Variants in MIR2052HG observed in about 807,000 individuals in gnomAD.
MIR2052HG encodes MIR2052 host gene.
chr8:74,690,657 T>TAAAATA (rs56918509), intron 2 of MIR2052HG, among the ~76,000 whole-genome samples: 154 of 151,446 alleles, frequency 1.0e-3, no homozygotes, highest in African/African-American at 3.6e-3. Context: ...TCTCAAAAAA[T>TAAAATA]AAAATAAAAA....
At chr8:74,704,459 A>C (rs149695847) in intron 4 of MIR2052HG, among the ~76,000 whole-genome samples, 1 of 152,078 alleles carries the variant, frequency 6.6e-6, no homozygotes. Context: ...GGAGGGTAGT[A>C]GTCATCTGGC....
intron 2 of MIR2052HG, among the ~76,000 whole-genome samples, chr8:74,620,218 A>T (rs1453829916): frequency 1.3e-5 from 2 of 152,172 alleles, no homozygotes; most frequent in Non-Finnish European, 2.9e-5. Flanking sequence ...GCTTCACAGG[A>T]TACAACCCAT....
intron 2 of MIR2052HG, among the ~76,000 whole-genome samples, chr8:74,664,737 C>T (rs1393224698): frequency 2.0e-5 from 3 of 152,116 alleles, no homozygotes; most frequent in Admixed American, 2.0e-4. Flanking sequence ...CAGCCGGTCT[C>T]GAACTCCTGA....
intron 2 of MIR2052HG, among the ~76,000 whole-genome samples, chr8:74,636,216 A>C (rs572526301): frequency 2.0e-5 from 3 of 152,214 alleles, no homozygotes; most frequent in Non-Finnish European, 2.9e-5. Context: ...TCAGAAGTTG[A>C]CCTGTTCTTT....
chr8:74,702,490 T>C lies in MIR2052HG; in HGVS notation n.294+34T>C, dbSNP rs144199551. 1,176 of 441,722 alleles carry C rather than the reference T, an allele frequency of 2.7e-3. 2 individuals carry two copies. The highest frequency in any genetic ancestry group is 5.4e-3 in the Admixed American group (225 of 41,544). The allele number at this position is 441,722 out of a possible 1,614,324, so 27.4% of individuals were successfully genotyped here. ...GTTCTTCTGAAGACTTGCCTGTACC[T>C]CAATGTCTGCACACATCCTACTAGA... On this transcript the variant is annotated intron_variant and non_coding_transcript_variant, in intron 3 of 6. Coordinates refer to ENST00000523442, the Ensembl canonical transcript of MIR2052HG.
intron 2 of MIR2052HG, among the ~76,000 whole-genome samples, chr8:74,694,195 A>T (rs1809271744): frequency 6.6e-6 from 1 of 152,160 alleles, no homozygotes; most frequent in African/African-American, 2.4e-5. Context: ...CTCTTTGCAG[A>T]CACTCCCCAG....
intron 4 of MIR2052HG, among the ~76,000 whole-genome samples, chr8:74,710,858 A>G (rs1273569001): frequency 6.6e-6 from 1 of 152,188 alleles, no homozygotes; most frequent in Non-Finnish European, 1.5e-5. Context: ...TCAAATTACC[A>G]ATAATATCAG....
intron 2 of MIR2052HG, among the ~76,000 whole-genome samples, chr8:74,628,067 T>C (rs1158825184): frequency 6.6e-6 from 1 of 152,206 alleles, no homozygotes; most frequent in African/African-American, 2.4e-5. Context: ...TGCCTTGTTC[T>C]GCTTCCTGTC....
intron 2 of MIR2052HG, among the ~76,000 whole-genome samples, chr8:74,687,748 A>T (rs1809197796): frequency 6.6e-6 from 1 of 152,118 alleles, no homozygotes; most frequent in South Asian, 2.1e-4. Flanking sequence ...AGTTATAGAG[A>T]TCTGCTGTAT....
chr8:74,675,061 A>ATATTTTATT (rs1240358391), intron 2 of MIR2052HG, among the ~76,000 whole-genome samples: 1 of 152,084 alleles, frequency 6.6e-6, no homozygotes, highest in Non-Finnish European at 1.5e-5. Context: ...CAATAATTGA[A>ATATTTTATT]CAAATTTACT....
intron 2 of MIR2052HG, among the ~76,000 whole-genome samples, chr8:74,683,667 T>C (rs1809148769): frequency 6.6e-6 from 1 of 152,112 alleles, no homozygotes; most frequent in Admixed American, 6.6e-5. Flanking sequence ...TAACGTTTAT[T>C]TTTATGTTCT....
At chr8:74,614,028 A>G (rs1808240711) in intron 2 of MIR2052HG, among the ~76,000 whole-genome samples, 1 of 152,220 alleles carries the variant, frequency 6.6e-6, no homozygotes, top group Non-Finnish European at 1.5e-5. Context: ...CTAATAAACG[A>G]TTTCACATCT....
chr8:74,678,612 AGTCAT>A (rs1809083248), intron 2 of MIR2052HG, among the ~76,000 whole-genome samples: 1 of 151,140 alleles, frequency 6.6e-6, no homozygotes, highest in Non-Finnish European at 1.5e-5. Flanking sequence ...ACAATTCCCA[AGTCAT>A]TTAATAAGGT....
At position 74,689,781 on chromosome 8, in the gene MIR2052HG, G is replaced by A. The variant is rs1546269; in HGVS notation, n.217-12598G>A. On this transcript the variant is annotated intron_variant and non_coding_transcript_variant, in intron 2 of 6. Coordinates refer to ENST00000523442, the Ensembl canonical transcript of MIR2052HG. ...ATAATACAGATAATATTTGACAAAC[G>A]CTATGATTTATTCATTCATTGAACA... 7.0e-4 allele frequency among the ~76,000 whole-genome samples: 106 copies of A among 152,224 alleles called. 2 individuals carry two copies. In the South Asian group the frequency reaches 0.014, roughly 20 times the overall value.
chr8:74,724,594 G>A (rs1319579835), intron 4 of MIR2052HG, among the ~76,000 whole-genome samples: 1 of 152,196 alleles, frequency 6.6e-6, no homozygotes, highest in African/African-American at 2.4e-5. Flanking sequence ...TGTTGCATTT[G>A]TTATTTTGAC....
intron 1 of MIR2052HG, among the ~76,000 whole-genome samples, chr8:74,611,954 C>T (rs905009081): frequency 1.3e-5 from 2 of 152,288 alleles, no homozygotes; most frequent in African/African-American, 4.8e-5. Flanking sequence ...TACAGATAGA[C>T]GGCAAGGGAC....
intron 4 of MIR2052HG, among the ~76,000 whole-genome samples, chr8:74,743,949 A>T (rs1038706285): frequency 6.6e-6 from 1 of 152,200 alleles, no homozygotes; most frequent in African/African-American, 2.4e-5. Context: ...ATGCCACGAA[A>T]CTTAAAATAC....
At chr8:74,644,699 T>C (rs1808673494) in intron 2 of MIR2052HG, among the ~76,000 whole-genome samples, 1 of 151,950 alleles carries the variant, frequency 6.6e-6, no homozygotes, top group African/African-American at 2.4e-5. Context: ...AAGACCAGCC[T>C]GGGAAACATG....
At chr8:74,697,399 C>T (rs143097947) in intron 2 of MIR2052HG, among the ~76,000 whole-genome samples, 43 of 152,134 alleles carry the variant, frequency 2.8e-4, no homozygotes, top group Admixed American at 4.6e-4. Context: ...TGAAAGCATT[C>T]CCCTGAGAAC....
Sources: gnomAD v4.1 joint callset for allele counts (sites outside exome capture counted in the v4.1 genomes callset) on GRCh38, gnomAD v4.1.1 for gene constraint, MANE v1.5 for transcripts, NCBI Gene and HGNC (gene_info 2026-07-23, HGNC 2026-07-21) for gene names.